ENOX2: variants seen among roughly 807,000 people sequenced by gnomAD.
ENOX2 encodes the protein APK1 antigen.
A neutral mutation model predicts 45.0 loss-of-function variants in ENOX2; 36 were observed. The ratio of observed to expected loss-of-function variants is 0.80; its 90% CI spans 0.61 to 1.06. ENOX2 has a LOEUF of 1.06. Ranked by LOEUF, ENOX2 falls within the 50% of genes least tolerant of loss-of-function variation. ENOX2 has a pLI of 0.00. For missense variants in ENOX2, 423 were observed against 462.5 expected (o/e 0.91, Z 0.78); for synonymous variants, 174 against 152.3 (o/e 1.14, Z -1.05).
intron 3 of ENOX2, among the ~76,000 whole-genome samples, chrX:130,754,297 T>C (rs946466394): frequency 8.9e-6 from 1 of 112,422 alleles, no homozygotes; most frequent in Non-Finnish European, 1.9e-5. Context: ...AATGGACTTA[T>C]AGTCTTTGGC....
At chrX:130,669,722 T>C (rs2036928254) in intron 7 of ENOX2, among the ~76,000 whole-genome samples, 2 of 112,052 alleles carry the variant, frequency 1.8e-5, no homozygotes, top group Non-Finnish European at 3.8e-5. Flanking sequence ...AGTCACCTGA[T>C]GTCTGAAGAG....
chrX:130,821,860 G>A (rs1163619317), intron 2 of ENOX2, among the ~76,000 whole-genome samples: 1 of 104,167 alleles, frequency 9.6e-6, no homozygotes, highest in Non-Finnish European at 2.0e-5. Flanking sequence ...AAGTCCAGGG[G>A]TTTGAGGCCA....
chrX:130,693,371 T>C (rs992748204), intron 4 of ENOX2, among the ~76,000 whole-genome samples: 6 of 112,466 alleles, frequency 5.3e-5, no homozygotes, highest in African/African-American at 1.9e-4. Flanking sequence ...GCATTTTATA[T>C]AATCACATTC....
rs186713311 is a variant in ENOX2, at chrX:130,760,099, C to T, written c.-39+23448G>A. ...GTATTGTCTTTTGAATTTCAGTGTC[C>T]GTGTGTTCATTTCTAATATAGATAA... On this transcript the variant is annotated intron_variant, in intron 3 of 14. Transcript: ENST00000394363. 2.0e-3 allele frequency among the ~76,000 whole-genome samples: 227 copies of T among 111,120 alleles called. 4 individuals are homozygous for T. The highest frequency in any genetic ancestry group is 0.02 in the Admixed American group (209 of 10,527).
chrX:130,754,651 C>T (rs1406516591), intron 3 of ENOX2, among the ~76,000 whole-genome samples: 1 of 111,058 alleles, frequency 9.0e-6, no homozygotes, highest in Non-Finnish European at 1.9e-5. Flanking sequence ...AAACCAAATA[C>T]TGCATTTTCT....
chrX:130,891,056 C>T (rs1406381229), intron 2 of ENOX2, among the ~76,000 whole-genome samples: 1 of 111,785 alleles, frequency 8.9e-6, no homozygotes, highest in Non-Finnish European at 1.9e-5. Context: ...TTGAAATATA[C>T]TTGGCCGGGC....
At chrX:130,864,268 G>A (rs1046914954) in intron 2 of ENOX2, among the ~76,000 whole-genome samples, 1 of 110,779 alleles carries the variant, frequency 9.0e-6, no homozygotes, top group Non-Finnish European at 1.9e-5. Context: ...CTCTGGGGTA[G>A]CCACTGACAT....
At chrX:130,669,772 G>A (rs952037769) in intron 7 of ENOX2, among the ~76,000 whole-genome samples, 193 bp downstream of exon 7, 5 of 111,982 alleles carry the variant, frequency 4.5e-5, no homozygotes, top group African/African-American at 1.6e-4. Flanking sequence ...AGCAGACACA[G>A]GTAGTAGGGA....
intron 2 of ENOX2, among the ~76,000 whole-genome samples, chrX:130,868,178 T>A (rs2078519397): frequency 9.0e-6 from 1 of 111,211 alleles, no homozygotes; most frequent in Non-Finnish European, 1.9e-5. Flanking sequence ...GCATTTCCAC[T>A]CCTAGGTATA....
intron 10 of ENOX2, among the ~76,000 whole-genome samples, chrX:130,650,265 G>A (rs2036363872): frequency 8.9e-6 from 1 of 111,898 alleles, no homozygotes; most frequent in Non-Finnish European, 1.9e-5. Flanking sequence ...ATGAGGAGGA[G>A]AGACTGTTTT....
At position 130,858,924 on chromosome X, in the gene ENOX2, T is replaced by TATTC. The variant is rs375883087; in HGVS notation, c.-183+42756_-183+42759dup. ...CAAGGAGAAAAAGTGACCCCTCATT[T>TATTC]ATTCATTCATTCATTCATTAAACAC... On this transcript the variant is annotated intron_variant, in intron 2 of 14. Coordinates refer to ENST00000394363, the MANE Select transcript of ENOX2 (RefSeq NM_006375.4). Among the ~76,000 whole-genome samples, 548 of 112,568 alleles carry TATTC rather than the reference T, an allele frequency of 4.9e-3. 2 individuals carry two copies. Among genetic ancestry groups the TATTC allele is most frequent in the African/African-American group, 0.017 (521 of 30,963 alleles).
At chrX:130,678,610 A>G (rs2148150024) in intron 6 of ENOX2, among the ~76,000 whole-genome samples, 1 of 110,646 alleles carries the variant, frequency 9.0e-6, no homozygotes, top group South Asian at 3.9e-4. Context: ...CTCTCTTCAC[A>G]TTATTCAAGT....
Position 130,645,477 on chromosome X carries a change from A to G in ENOX2, c.1130-8067T>C, listed in dbSNP as rs185684845. Among the ~76,000 whole-genome samples the G allele has an allele frequency of 2.1e-3, 241 of 113,093 alleles. 4 individuals are homozygous for G. The highest frequency in any genetic ancestry group is 0.02 in the Admixed American group (215 of 10,794). ...CAGGCTTATGACTATGGTTTAAAAA[A>G]TATGATCCCACTAGTTTCTATTGTT... On this transcript the variant is annotated intron_variant, in intron 10 of 14. Coordinates refer to ENST00000394363, the MANE Select transcript of ENOX2 (RefSeq NM_006375.4).
intron 2 of ENOX2, among the ~76,000 whole-genome samples, chrX:130,788,931 G>A (rs759457315): frequency 2.7e-5 from 3 of 111,847 alleles, no homozygotes; most frequent in South Asian, 7.5e-4. Context: ...ATGTGGTAAC[G>A]TAATCTCATC....
chrX:130,820,633 A>G (rs2077578109), intron 2 of ENOX2, among the ~76,000 whole-genome samples: 1 of 112,894 alleles, frequency 8.9e-6, no homozygotes, highest in African/African-American at 3.2e-5. Flanking sequence ...AGCATTTAAA[A>G]GGAAAGAAAT....
At chrX:130,650,870 T>C (rs2036381348) in intron 10 of ENOX2, among the ~76,000 whole-genome samples, 1 of 111,287 alleles carries the variant, frequency 9.0e-6, no homozygotes, top group African/African-American at 3.3e-5. Context: ...TTTTGTGCCA[T>C]TAAAAAATTA....
intron 2 of ENOX2, among the ~76,000 whole-genome samples, chrX:130,812,785 T>G (rs1288085060): frequency 8.9e-6 from 1 of 111,883 alleles, no homozygotes; most frequent in Non-Finnish European, 1.9e-5. Flanking sequence ...AGACATTTTT[T>G]ACAAAAATCG....
intron 12 of ENOX2, among the ~76,000 whole-genome samples, chrX:130,632,523 G>A (rs1018406327): frequency 9.0e-6 from 1 of 111,221 alleles, no homozygotes; most frequent in Non-Finnish European, 1.9e-5. Flanking sequence ...GCTTTCAGAA[G>A]AAGGAATAAA....
intron 3 of ENOX2, among the ~76,000 whole-genome samples, chrX:130,764,640 T>C (rs1267268404): frequency 9.0e-6 from 1 of 110,880 alleles, no homozygotes; most frequent in Non-Finnish European, 1.9e-5. Flanking sequence ...GAGCACAATT[T>C]TTTCTCTAAC....
Sources: gnomAD v4.1 joint callset for allele counts (sites outside exome capture counted in the v4.1 genomes callset) on GRCh38, gnomAD v4.1.1 for gene constraint, MANE v1.5 for transcripts, NCBI Gene and HGNC (gene_info 2026-07-23, HGNC 2026-07-21) for gene names.